The following OPTN variants were observed in gnomAD, a reference collection of about 807,000 sequenced individuals.
OPTN encodes the protein E3-14.7K-interacting protein.
In OPTN, 54 loss-of-function variants were observed where a neutral mutation model predicts 70.4. The ratio of observed to expected loss-of-function variants is 0.77; its 90% confidence interval spans 0.62 to 0.96. The LOEUF (loss-of-function observed/expected upper bound fraction) is 0.96. Among genes scored for constraint, OPTN ranks in the 40% least tolerant of loss-of-function variants. The pLI, the probability that OPTN is intolerant of heterozygous loss-of-function variation, is 0.00. For synonymous variants in OPTN, 256 were observed against 248.5 expected (o/e 1.03, Z -0.28); for missense variants, 624 against 673.2 (o/e 0.93, Z 0.81).
intron 1 of OPTN, among the ~76,000 whole-genome samples, chr10:13,105,433 G>A (rs1215544745): frequency 6.6e-6 from 1 of 152,178 alleles, no homozygotes; most frequent in South Asian, 2.1e-4. Context: ...ACTTCCCAAG[G>A]CCACACATCT....
intron 5 of OPTN, 109 bp downstream of exon 5, chr10:13,112,744 T>C (rs1833036608): frequency 1.8e-6 from 2 of 1,094,740 alleles, no homozygotes; most frequent in Non-Finnish European, 1.4e-6. Context: ...TTGAGGAAAT[T>C]CCAGTGTAGC....
chr10:13,119,162 G>C, intron 7 of OPTN, 122 bp downstream of exon 7: 2 of 981,308 alleles, frequency 2.0e-6, no homozygotes, highest in Non-Finnish European at 3.1e-6. Flanking sequence ...GAATATTCCA[G>C]GATTGTGCAA....
intron 1 of OPTN, among the ~76,000 whole-genome samples, chr10:13,101,215 G>A (rs553215743): frequency 6.6e-6 from 1 of 152,328 alleles, no homozygotes; most frequent in East Asian, 1.9e-4. Flanking sequence ...AATGTGACCT[G>A]TAGACAGAGG....
intron 2 of OPTN, chr10:13,108,881 C>T (rs1056039078): frequency 2.9e-5 from 15 of 519,424 alleles, no homozygotes; most frequent in African/African-American, 7.8e-5. Flanking sequence ...TACACACACA[C>T]GCACACACAC....
rs1187426163 is a variant in OPTN at position 13,138,292 on chromosome 10, G to T, written c.*1426G>T. 2 of 177,874 alleles carry T rather than the reference G, an allele frequency of 1.1e-5. No individual in the cohort carries two copies. The highest frequency in any genetic ancestry group is 2.4e-5 in the Non-Finnish European group (2 of 82,800). 11.0% of individuals were successfully genotyped at this position (177,874 alleles called of 1,614,324 possible). On this transcript the variant is annotated 3_prime_UTR_variant, in exon 15 of 15. Transcript: ENST00000378747. ...TAAAGCATTTAAGAAAAAATTAAAAGATCTCTTTTGTTTAAATTTGTCTTA... is the reference window on the plus strand; with the variant it reads ...TAAAGCATTTAAGAAAAAATTAAAATATCTCTTTTGTTTAAATTTGTCTTA...
chr10:13,100,640 C>T (rs1336157836), intron 1 of OPTN, among the ~76,000 whole-genome samples: 8 of 152,300 alleles, frequency 5.3e-5, no homozygotes, highest in Admixed American at 2.0e-4. Flanking sequence ...GGAAGGATTC[C>T]GCAGCCAGTT....
At chr10:13,101,220 C>G (rs1246731259) in intron 1 of OPTN, among the ~76,000 whole-genome samples, 1 of 152,234 alleles carries the variant, frequency 6.6e-6, no homozygotes, top group African/African-American at 2.4e-5. Flanking sequence ...GACCTGTAGA[C>G]AGAGGACGAT....
intron 1 of OPTN, chr10:13,104,425 CTTT>C (rs34844442): frequency 0.043 from 6,425 of 148,170 alleles, 33 homozygotes; most frequent in South Asian, 0.13. Context: ...CACCCAGCTA[CTTT>C]TTTTTTTTTT....
At chr10:13,127,461 T>C (rs1160027926) in intron 11 of OPTN, among the ~76,000 whole-genome samples, 1 of 152,226 alleles carries the variant, frequency 6.6e-6, no homozygotes, top group Non-Finnish European at 1.5e-5. Flanking sequence ...TAGGAATTCA[T>C]TATTTGCAAG....
chr10:13,120,403 C>G (rs1833320418), intron 7 of OPTN, among the ~76,000 whole-genome samples: 1 of 151,498 alleles, frequency 6.6e-6, no homozygotes, highest in African/African-American at 2.4e-5. Context: ...TCTTTTGTCA[C>G]CTGTGCTTTT....
intron 1 of OPTN, among the ~76,000 whole-genome samples, chr10:13,100,886 A>G (rs1489509799): frequency 6.6e-6 from 1 of 152,228 alleles, no homozygotes; most frequent in Non-Finnish European, 1.5e-5. Context: ...AATGAAACCC[A>G]GGTTCCGACC....
intron 8 of OPTN, 79 bp from the exon 9 acceptor site, chr10:13,123,916 A>T (rs1833404880): frequency 7.0e-6 from 7 of 995,506 alleles, no homozygotes; most frequent in Non-Finnish European, 9.5e-6. Flanking sequence ...CTAATGGTTC[A>T]GCCTGTTTTC....
intron 12 of OPTN, 80 bp downstream of exon 12, chr10:13,127,983 A>T: frequency 6.8e-7 from 1 of 1,477,200 alleles, no homozygotes; most frequent in Non-Finnish European, 9.4e-7. Flanking sequence ...GGTGTTTAGA[A>T]TGTTTGTAAT....
chr10:13,102,911 C>A (rs901439978), intron 1 of OPTN, among the ~76,000 whole-genome samples: 1 of 151,370 alleles, frequency 6.6e-6, no homozygotes, highest in Admixed American at 6.6e-5. Context: ...CCACGGCACT[C>A]TAGCCTGGGC....
At chr10:13,114,814 T>TTATATATAATTATATAACGTA (rs1564358862) in intron 5 of OPTN, among the ~76,000 whole-genome samples, 1 of 66,690 alleles carries the variant, frequency 1.5e-5, no homozygotes, top group Non-Finnish European at 2.5e-5. Context: ...ATATATATAA[T>TTATATATAATTATATAACGTA]TATATAATTA....
At chr10:13,114,840 A>ATATAATTATATAAT (rs1564358934) in intron 5 of OPTN, among the ~76,000 whole-genome samples, 1 of 50,776 alleles carries the variant, frequency 2.0e-5, no homozygotes, top group African/African-American at 7.0e-5. Context: ...TTATATAATT[A>ATATAATTATATAAT]TATAATTGTA....
In OPTN at chr10:13,133,538, G is replaced by A. The variant is rs771316696; in HGVS notation, c.1569G>A (p.Ala523=). The change falls in exon 14 of 15, where the codon GCG becomes GCA. Residue 523 remains alanine, a synonymous_variant. Coordinates refer to ENST00000378747, the MANE Select transcript of OPTN (RefSeq NM_001008212.2). ...TGGAGATGCAGAGTCGTCATGGGGC[G>A]AGAACAAGTGACTCTGACCAGCAGG... ...SLMEMQSRHG[A]RTSDSDQQAY... is the part of the protein sequence containing the mutation. The A allele has an allele frequency of 2.2e-5, 36 of 1,614,006 alleles. No individual in the cohort carries two copies. The highest frequency in any genetic ancestry group is 2.7e-5 in the African/African-American group (2 of 74,898).
chr10:13,137,467 A>G lies in OPTN; in HGVS notation c.*601A>G. ...ATGCGAGCAGCTGCACTGCTCATGCAGTTAGCTAGCATGTGACATCATGTG... is the reference window on the plus strand; with the variant it reads ...ATGCGAGCAGCTGCACTGCTCATGCGGTTAGCTAGCATGTGACATCATGTG... On this transcript the variant is annotated 3_prime_UTR_variant, in exon 15 of 15. Coordinates refer to ENST00000378747, the MANE Select transcript of OPTN (RefSeq NM_001008212.2). 1 of 228,146 alleles carries G rather than the reference A, an allele frequency of 4.4e-6. No homozygotes were observed. Among genetic ancestry groups the G allele is most frequent in the Non-Finnish European group, 8.7e-6 (1 of 114,782 alleles). 14.1% of individuals were successfully genotyped at this position (228,146 alleles called of 1,614,324 possible).
At chr10:13,120,719 G>A (rs901431199) in intron 7 of OPTN, among the ~76,000 whole-genome samples, 1 of 152,012 alleles carries the variant, frequency 6.6e-6, no homozygotes, top group Non-Finnish European at 1.5e-5. Flanking sequence ...TTGTCCTTAC[G>A]CCAGTACCAC....
Sources: gnomAD v4.1 joint callset for allele counts (sites outside exome capture counted in the v4.1 genomes callset) on GRCh38, gnomAD v4.1.1 for gene constraint, MANE v1.5 for transcripts, NCBI Gene and HGNC (gene_info 2026-07-23, HGNC 2026-07-21) for gene names.